SGCZ: variants seen among roughly 807,000 people sequenced by gnomAD.
The protein encoded by SGCZ is zeta-sarcoglycan.
SGCZ carries 40 observed loss-of-function variants against 41.3 expected under a neutral mutation model. The ratio of observed to expected loss-of-function variants is 0.97; its 90% CI spans 0.75 to 1.26. The LOEUF (loss-of-function observed/expected upper bound fraction) is 1.26. SGCZ is among the 50% of genes most tolerant of loss of function. The probability of loss-of-function intolerance (pLI) is 0.00; values close to 1 mark genes in which losing one functional copy is unlikely to be tolerated. For synonymous variants in SGCZ, 206 were observed against 137.5 expected (o/e 1.50, Z -3.49); for missense variants, 552 against 369.8 (o/e 1.49, Z -4.04).
chr8:14,092,756 C>T (rs767465150), intron 7 of SGCZ, among the ~76,000 whole-genome samples: 11 of 152,068 alleles, frequency 7.2e-5, no homozygotes, highest in Non-Finnish European at 1.3e-4. Flanking sequence ...TCCCCAGCCT[C>T]GTGGAAGTGT....
At chr8:14,401,205 C>G (rs901475942) in intron 2 of SGCZ, among the ~76,000 whole-genome samples, 2 of 152,098 alleles carry the variant, frequency 1.3e-5, no homozygotes, top group African/African-American at 4.8e-5. Context: ...TTGCATTATG[C>G]ATATCAATAA....
intron 1 of SGCZ, among the ~76,000 whole-genome samples, chr8:14,756,966 T>A (rs934214394): frequency 6.6e-6 from 1 of 152,242 alleles, no homozygotes; most frequent in Non-Finnish European, 1.5e-5. Flanking sequence ...TTTGTTTGTT[T>A]GAGATCTGGA....
intron 2 of SGCZ, among the ~76,000 whole-genome samples, chr8:14,455,722 G>A (rs974214160): frequency 2.0e-5 from 3 of 152,164 alleles, no homozygotes; most frequent in Non-Finnish European, 4.4e-5. Context: ...TAGGAAAGTG[G>A]TTGAATAAAT....
At chr8:15,085,843 G>C (rs1318510681) in intron 1 of SGCZ, among the ~76,000 whole-genome samples, 2 of 151,972 alleles carry the variant, frequency 1.3e-5, no homozygotes, top group Non-Finnish European at 2.9e-5. Context: ...TGTCATTCTT[G>C]TCTGCATACC....
At chr8:14,122,227 A>C (rs1802720254) in intron 5 of SGCZ, among the ~76,000 whole-genome samples, 1 of 152,162 alleles carries the variant, frequency 6.6e-6, no homozygotes, top group Admixed American at 6.5e-5. Flanking sequence ...CAGTTAGCTG[A>C]GATTGCGCCA....
chr8:14,748,076 C>A (rs528703787), intron 1 of SGCZ, among the ~76,000 whole-genome samples: 1 of 151,906 alleles, frequency 6.6e-6, no homozygotes, highest in African/African-American at 2.4e-5. Context: ...CCAAAAGGTA[C>A]GTGGCATGTA....
chr8:14,398,542 T>C (rs1356912480), intron 2 of SGCZ, among the ~76,000 whole-genome samples: 1 of 152,130 alleles, frequency 6.6e-6, no homozygotes, highest in African/African-American at 2.4e-5. Flanking sequence ...AGTGTTTATT[T>C]GGGGTAAGGT....
chr8:14,718,736 C>T lies in SGCZ; in HGVS notation c.40-163810G>A, dbSNP rs866077535. Among the ~76,000 whole-genome samples, 15 of 151,610 alleles carry T rather than the reference C, an allele frequency of 9.9e-5. 1 individual carries two copies. The highest frequency in any genetic ancestry group is 3.6e-4 in the African/African-American group (15 of 41,408). ...TAATGCCACCCTGATCCATATTATC[C>T]TAAGATTTTATTAATGAAGCAATGG... On this transcript the variant is annotated intron_variant, in intron 1 of 7. Coordinates refer to ENST00000382080, the MANE Select transcript of SGCZ (RefSeq NM_139167.4).
intron 1 of SGCZ, among the ~76,000 whole-genome samples, chr8:14,562,441 A>C (rs1363776347): frequency 6.6e-6 from 1 of 152,190 alleles, no homozygotes; most frequent in Non-Finnish European, 1.5e-5. Flanking sequence ...TGATAAATAC[A>C]ATAAAAAAGA....
At chr8:14,111,877 T>G (rs899710183) in intron 5 of SGCZ, among the ~76,000 whole-genome samples, 1 of 152,192 alleles carries the variant, frequency 6.6e-6, no homozygotes, top group Admixed American at 6.5e-5. Context: ...GATACTACCC[T>G]TTACAAATGC....
intron 1 of SGCZ, among the ~76,000 whole-genome samples, chr8:14,928,841 T>C (rs1253970921): frequency 1.3e-5 from 2 of 152,206 alleles, no homozygotes; most frequent in African/African-American, 4.8e-5. Context: ...AAAATGTGTT[T>C]ATTTTAATAT....
chr8:14,678,210 T>C (rs1275616882), intron 1 of SGCZ, among the ~76,000 whole-genome samples: 1 of 152,084 alleles, frequency 6.6e-6, no homozygotes, highest in Non-Finnish European at 1.5e-5. Context: ...TAAAATAAAA[T>C]GAAAACTTCT....
At chr8:14,703,218 A>C (rs2117605043) in intron 1 of SGCZ, among the ~76,000 whole-genome samples, 1 of 152,056 alleles carries the variant, frequency 6.6e-6, no homozygotes, top group East Asian at 1.9e-4. Context: ...ACATGCAGTG[A>C]TCTGGTGGCT....
intron 2 of SGCZ, among the ~76,000 whole-genome samples, chr8:14,534,249 A>T (rs1021639605): frequency 1.3e-5 from 2 of 151,884 alleles, no homozygotes; most frequent in African/African-American, 4.8e-5. Context: ...GGCACAGAGA[A>T]GAGGGAAGCA....
chr8:14,896,860 A>C (rs1359322784), intron 1 of SGCZ, among the ~76,000 whole-genome samples: 1 of 151,590 alleles, frequency 6.6e-6, no homozygotes, highest in Non-Finnish European at 1.5e-5. Flanking sequence ...GGCTCACTGC[A>C]ACCTCCGCCT....
chr8:15,179,699 C>T (rs1417523359), intron 1 of SGCZ, among the ~76,000 whole-genome samples: 1 of 151,968 alleles, frequency 6.6e-6, no homozygotes, highest in African/African-American at 2.4e-5. Context: ...ACAACAACAA[C>T]AAAAAAGGAC....
At chr8:14,260,541 AT>A (rs1799622498) in intron 3 of SGCZ, among the ~76,000 whole-genome samples, 1 of 147,906 alleles carries the variant, frequency 6.8e-6, no homozygotes, top group African/African-American at 2.5e-5. Flanking sequence ...CAGTGTGGCG[AT>A]TCCTCAGGGA....
At chr8:14,267,887 C>G (rs1799928420) in intron 3 of SGCZ, among the ~76,000 whole-genome samples, 1 of 151,902 alleles carries the variant, frequency 6.6e-6, no homozygotes, top group Non-Finnish European at 1.5e-5. Flanking sequence ...AAAAGTCATT[C>G]TATTTTTACA....
At chr8:15,191,617 G>C (rs1329684038) in intron 1 of SGCZ, among the ~76,000 whole-genome samples, 5 of 151,938 alleles carry the variant, frequency 3.3e-5, no homozygotes, top group Non-Finnish European at 5.9e-5. Flanking sequence ...GAAAGTATGT[G>C]ATGAGAAATA....
Sources: allele counts gnomAD v4.1 joint callset (sites outside exome capture counted in the v4.1 genomes callset), GRCh38; gene constraint gnomAD v4.1.1; transcripts MANE v1.5; gene names NCBI Gene and HGNC (gene_info 2026-07-23, HGNC 2026-07-21).